The following MTFR1 variants were observed in gnomAD, a reference collection of about 807,000 sequenced individuals.
MTFR1 encodes the protein mitochondrial fission regulator 1, also known as chondrocyte protein with a poly-proline region.
Under a neutral mutation model 38.8 loss-of-function variants are expected in MTFR1, and 28 were observed. The ratio of observed to expected loss-of-function variants is 0.72; its 90% CI spans 0.53 to 0.99. The LOEUF is 0.99. MTFR1 is among the 50% of genes least tolerant of loss of function. The pLI, the probability that MTFR1 is intolerant of heterozygous loss-of-function variation, is 0.00. For synonymous variants in MTFR1, 145 were observed against 137.0 expected (o/e 1.06, Z -0.41); for missense variants, 358 against 395.5 (o/e 0.91, Z 0.81).
At chr8:65,661,410 G>A (rs1809410515) in intron 1 of MTFR1, among the ~76,000 whole-genome samples, 1 of 152,202 alleles carries the variant, frequency 6.6e-6, no homozygotes, top group Non-Finnish European at 1.5e-5. Context: ...GGCTGAGGGG[G>A]TGTATCACTT....
intron 3 of MTFR1, among the ~76,000 whole-genome samples, chr8:65,767,594 G>C (rs1390467975): frequency 1.3e-5 from 2 of 152,152 alleles, no homozygotes; most frequent in African/African-American, 4.8e-5. Flanking sequence ...TCCCCAGAGA[G>C]GGTCTTGCCC....
intron 3 of MTFR1, chr8:65,728,139 T>G (rs1420540660): frequency 6.6e-6 from 1 of 152,196 alleles, no homozygotes; most frequent in Non-Finnish European, 1.5e-5. Flanking sequence ...CATGGTATTA[T>G]TTAGGTTTAC....
chr8:65,714,225 CAG>C (rs1806042437), downstream of MTFR1: 1 of 150,362 alleles, frequency 6.7e-6, no homozygotes, highest in Admixed American at 6.7e-5. Context: ...CTGCACACAA[CAG>C]AAACTTGGAT....
intron 7 of MTFR1, 91 bp from the exon 8 acceptor site, chr8:65,708,885 C>G (rs1805861684): frequency 7.8e-7 from 1 of 1,286,002 alleles, no homozygotes; most frequent in Non-Finnish European, 1.1e-6. Flanking sequence ...CAGAACATAC[C>G]CAGCCCTCTA....
chr8:65,687,983 C>T (rs1046603724), intron 3 of MTFR1, among the ~76,000 whole-genome samples: 4 of 151,630 alleles, frequency 2.6e-5, no homozygotes, highest in African/African-American at 9.7e-5. Flanking sequence ...GCCTGTAATC[C>T]CAGCTACTCG....
chr8:65,708,077 T>A (rs754502339), intron 7 of MTFR1, 66 bp downstream of exon 7: 1 of 1,605,380 alleles, frequency 6.2e-7, no homozygotes, highest in Non-Finnish European at 8.5e-7. Context: ...AGCACTTGCA[T>A]TTTGCAAGTG....
chr8:65,671,643 A>C (rs936113755), intron 2 of MTFR1, among the ~76,000 whole-genome samples: 6 of 152,002 alleles, frequency 3.9e-5, no homozygotes, highest in Admixed American at 6.6e-5. Flanking sequence ...TCTTGCTTGC[A>C]CAAGGAAGGG....
intron 1 of MTFR1, among the ~76,000 whole-genome samples, chr8:65,655,969 C>CATATATATATATATATATATGTA: frequency 7.1e-5 from 4 of 56,474 alleles, no homozygotes; most frequent in African/African-American, 4.1e-4. Flanking sequence ...TATATATATA[C>CATATATATATATATATATATGTA]CATATATATA....
At chr8:65,768,751 T>C (rs181245226) in intron 3 of MTFR1, among the ~76,000 whole-genome samples, 1 of 152,326 alleles carries the variant, frequency 6.6e-6, no homozygotes, top group Admixed American at 6.5e-5. Flanking sequence ...TAACAATGAC[T>C]TCTTTATGTA....
intron 1 of MTFR1, among the ~76,000 whole-genome samples, chr8:65,646,748 G>A (rs941390530): frequency 3.3e-5 from 5 of 152,226 alleles, no homozygotes; most frequent in Admixed American, 6.5e-5. Flanking sequence ...AGAGAGAAAA[G>A]GAAAATATAC....
intron 3 of MTFR1, among the ~76,000 whole-genome samples, chr8:65,751,495 G>C (rs1417647238): frequency 6.7e-6 from 1 of 149,328 alleles, no homozygotes; most frequent in African/African-American, 2.5e-5. Flanking sequence ...TTCTTTTCTC[G>C]AGTTTCATCT....
At position 65,710,540 on chromosome 8, in the gene MTFR1, C is replaced by T. The variant is rs898961365; in HGVS notation, c.*1496C>T. 6.6e-6 allele frequency: 1 copy of T among 152,492 alleles called. No homozygotes were observed. Among genetic ancestry groups the T allele is most frequent in the African/African-American group, 2.4e-5 (1 of 41,420 alleles). The allele number at this position is 152,492 out of a possible 1,614,324, so 9.4% of individuals were successfully genotyped here. ...AGTTACTGTTTTAAAATAAAGCAAA[C>T]TAACTGTTTTATTTTCCTTGGACCA... On this transcript the variant is annotated 3_prime_UTR_variant, in exon 8 of 8. Coordinates refer to ENST00000262146, the MANE Select transcript of MTFR1 (RefSeq NM_014637.4).
chr8:65,742,821 A>G (rs980919571), intron 3 of MTFR1, among the ~76,000 whole-genome samples: 3 of 152,236 alleles, frequency 2.0e-5, no homozygotes, highest in African/African-American at 7.2e-5. Context: ...GCTAACCATG[A>G]GTGGTTTCTA....
intron 3 of MTFR1, among the ~76,000 whole-genome samples, chr8:65,764,049 A>T (rs1204681090): frequency 6.6e-6 from 1 of 152,214 alleles, no homozygotes; most frequent in Non-Finnish European, 1.5e-5. Context: ...AAGTTTTTTT[A>T]AAAACTGCAC....
At chr8:65,650,116 G>T (rs1014849086) in intron 1 of MTFR1, among the ~76,000 whole-genome samples, 2 of 152,044 alleles carry the variant, frequency 1.3e-5, no homozygotes, top group East Asian at 3.9e-4. Flanking sequence ...TGGGATTACA[G>T]CTGTGAGCCA....
At chr8:65,666,723 G>A (rs1366660291) in intron 1 of MTFR1, among the ~76,000 whole-genome samples, 4 of 152,168 alleles carry the variant, frequency 2.6e-5, no homozygotes, top group South Asian at 4.1e-4. Flanking sequence ...CAAATGTTCT[G>A]TGAAGTTAGC....
downstream of MTFR1, among the ~76,000 whole-genome samples, chr8:65,771,586 G>A (rs1030979727): frequency 4.6e-5 from 7 of 152,036 alleles, no homozygotes; most frequent in East Asian, 1.9e-4. Flanking sequence ...CTGGCTGGGC[G>A]CACGCAGTGG....
intron 1 of MTFR1, among the ~76,000 whole-genome samples, chr8:65,659,187 A>G (rs979600021): frequency 6.6e-6 from 1 of 152,156 alleles, no homozygotes; most frequent in Non-Finnish European, 1.5e-5. Context: ...TACCTTTCTC[A>G]AAATTTTCCT....
chr8:65,655,580 G>T (rs563170040), intron 1 of MTFR1, among the ~76,000 whole-genome samples: 2 of 152,176 alleles, frequency 1.3e-5, no homozygotes, highest in Admixed American at 1.3e-4. Flanking sequence ...AAAGTGTTTT[G>T]ACTTAAGTAT....
Sources: gnomAD v4.1 joint callset for allele counts (sites outside exome capture counted in the v4.1 genomes callset) on GRCh38, gnomAD v4.1.1 for gene constraint, MANE v1.5 for transcripts, NCBI Gene and HGNC (gene_info 2026-07-23, HGNC 2026-07-21) for gene names.